Variants in SH3KBP1 observed in about 807,000 individuals in gnomAD.
The protein encoded by SH3KBP1 is SH3 domain containing kinase binding protein 1.
In SH3KBP1, 8 loss-of-function variants were observed where a neutral mutation model predicts 50.1. That is an observed-to-expected ratio of 0.16 (90% confidence interval 0.09 to 0.29). The LOEUF (loss-of-function observed/expected upper bound fraction) is 0.29, where lower values mean the gene tolerates loss of function less well. Ranked by LOEUF, SH3KBP1 falls within the 10% of genes least tolerant of loss-of-function variation. The pLI is 1.00. For synonymous variants in SH3KBP1, 227 were observed against 218.6 expected, an observed-to-expected ratio of 1.04 and a Z score of -0.34; for missense variants, 377 against 535.2, an observed-to-expected ratio of 0.70 and a Z score of 2.92.
At chrX:19,693,774 G>A (rs1203487313) in intron 5 of SH3KBP1, among the ~76,000 whole-genome samples, 1 of 111,936 alleles carries the variant, frequency 8.9e-6, no homozygotes, top group Non-Finnish European at 1.9e-5. Context: ...GACTTGGAAT[G>A]AGAGAAGTCA....
chrX:19,581,680 T>C (rs1225030791), intron 12 of SH3KBP1, among the ~76,000 whole-genome samples: 2 of 110,435 alleles, frequency 1.8e-5, no homozygotes, highest in East Asian at 2.8e-4. Flanking sequence ...TTAACTTCCA[T>C]GCTCTTAAGT....
Position 19,713,239 on chromosome X carries a change from A to G in SH3KBP1, c.287-6255T>C, listed in dbSNP as rs192295326. Among the ~76,000 whole-genome samples, 538 of 110,062 alleles carry G rather than the reference A, an allele frequency of 4.9e-3. 1 individual carries two copies. The highest frequency in any genetic ancestry group is 8.0e-3 in the Non-Finnish European group (420 of 52,675). ...CTCAAAAAAAACAAAACAAACAAAC[A>G]AAAAACTCATCTGATTTTTTTCTTA... On this transcript the variant is annotated intron_variant, in intron 3 of 17. Transcript: ENST00000397821.
chrX:19,584,730 CT>C (rs2066506747), intron 12 of SH3KBP1, among the ~76,000 whole-genome samples: 1 of 111,596 alleles, frequency 9.0e-6, no homozygotes, highest in Non-Finnish European at 1.9e-5. Flanking sequence ...ATGTTAGCTC[CT>C]GTTTAAAGAG....
rs34368819 is a variant in SH3KBP1 at position 19,764,986 on chromosome X, C to CTTTTT, written c.163-18550_163-18546dup. Among the ~76,000 whole-genome samples the CTTTTT allele has an allele frequency of 3.8e-4, 17 of 44,551 alleles. 2 individuals are homozygous for CTTTTT. Among genetic ancestry groups the CTTTTT allele is most frequent in the African/African-American group, 1.3e-3 (14 of 10,501 alleles). The allele number at this position is 44,551 out of a possible 115,157, so 38.7% of individuals were successfully genotyped here. ...CCATGCCCAGCTAATTTTTGCAGTTCTTTTTTTTTTTTTTTTTTTTTTTTT... is the reference window on the plus strand; with the variant it reads ...CCATGCCCAGCTAATTTTTGCAGTTCTTTTTTTTTTTTTTTTTTTTTTTTTTTTTT... On this transcript the variant is annotated intron_variant, in intron 2 of 17. Transcript: ENST00000397821.
chrX:19,567,092 C>T (rs759063703), intron 13 of SH3KBP1, among the ~76,000 whole-genome samples: 41 of 109,787 alleles, frequency 3.7e-4, no homozygotes, highest in Middle Eastern at 4.6e-3. Context: ...CCTGATAGTG[C>T]TTGCCAGAGG....
At chrX:19,609,914 C>T (rs772186201) in intron 8 of SH3KBP1, among the ~76,000 whole-genome samples, 27 of 111,906 alleles carry the variant, frequency 2.4e-4, no homozygotes, top group Non-Finnish European at 4.9e-4. Flanking sequence ...TGCCTAAACT[C>T]GTGGGAATTC....
In SH3KBP1 at chrX:19,814,105, T is replaced by C. The variant is rs184909780; in HGVS notation, c.162+22020A>G. On this transcript the variant is annotated intron_variant, in intron 2 of 17. Coordinates refer to ENST00000397821, the MANE Select transcript of SH3KBP1 (RefSeq NM_031892.3). ...CTCCAGACCCACATCCCTACCATGCTTCCCAATGCACAGGACAAAAACCTT... is the reference window on the plus strand; with the variant it reads ...CTCCAGACCCACATCCCTACCATGCCTCCCAATGCACAGGACAAAAACCTT... 1.5e-3 allele frequency among the ~76,000 whole-genome samples: 160 copies of C among 110,065 alleles called. 1 individual carries two copies. The highest frequency in any genetic ancestry group is 5.1e-3 in the African/African-American group (153 of 30,198).
At chrX:19,875,795 T>G (rs2069233035) in intron 1 of SH3KBP1, among the ~76,000 whole-genome samples, 1 of 112,279 alleles carries the variant, frequency 8.9e-6, no homozygotes, top group Non-Finnish European at 1.9e-5. Context: ...ATGTGCCCCA[T>G]GAACAAGTCA....
chrX:19,691,290 C>A (rs1025738018), intron 5 of SH3KBP1, among the ~76,000 whole-genome samples: 1 of 104,397 alleles, frequency 9.6e-6, no homozygotes. Flanking sequence ...GGTTTACTCT[C>A]GCACGCACGC....
At chrX:19,680,190 C>T (rs546834197) in intron 6 of SH3KBP1, among the ~76,000 whole-genome samples, 14 of 109,584 alleles carry the variant, frequency 1.3e-4, no homozygotes, top group Non-Finnish European at 3.8e-5. Context: ...GCCTGGTCAA[C>T]GTGGTGAAAC....
intron 4 of SH3KBP1, among the ~76,000 whole-genome samples, chrX:19,702,222 C>T (rs2063549985): frequency 8.9e-6 from 1 of 112,099 alleles, no homozygotes; most frequent in Non-Finnish European, 1.9e-5. Context: ...CACCTATTAA[C>T]TGATCAGCCT....
chrX:19,723,807 A>G (rs929116843), intron 3 of SH3KBP1, among the ~76,000 whole-genome samples: 1 of 111,625 alleles, frequency 9.0e-6, no homozygotes, highest in African/African-American at 3.3e-5. Context: ...ACCCAATAGC[A>G]CAAAAGCTGC....
At chrX:19,569,036 G>T in intron 13 of SH3KBP1, 67 bp downstream of exon 13, 1 of 980,434 alleles carries the variant, frequency 1.0e-6, no homozygotes, top group Non-Finnish European at 1.5e-6. Context: ...GCTGGTTGAA[G>T]GCAAGCCAGG....
At chrX:19,699,458 C>T (rs73459699) in intron 4 of SH3KBP1, among the ~76,000 whole-genome samples, 5,335 of 111,809 alleles carry the variant, frequency 0.048, 320 homozygotes, top group African/African-American at 0.16. Context: ...TGTCCCTCTA[C>T]GACCAACCCA....
intron 2 of SH3KBP1, among the ~76,000 whole-genome samples, chrX:19,772,771 C>T (rs1325141230): frequency 9.0e-6 from 1 of 111,220 alleles, no homozygotes; most frequent in Non-Finnish European, 1.9e-5. Context: ...GGATGTAAAC[C>T]ACAAATTAAA....
At chrX:19,657,943 T>C (rs2062334127) in intron 6 of SH3KBP1, among the ~76,000 whole-genome samples, 1 of 109,597 alleles carries the variant, frequency 9.1e-6, no homozygotes, top group Non-Finnish European at 1.9e-5. Context: ...TCAATGGGTA[T>C]AGAGTTTCAA....
intron 6 of SH3KBP1, among the ~76,000 whole-genome samples, chrX:19,679,698 C>G (rs1022741026): frequency 9.0e-6 from 1 of 111,528 alleles, no homozygotes; most frequent in African/African-American, 3.3e-5. Context: ...ATACACCATC[C>G]AGTTTCAACA....
At chrX:19,739,615 G>A (rs775207380) in intron 3 of SH3KBP1, among the ~76,000 whole-genome samples, 2 of 108,707 alleles carry the variant, frequency 1.8e-5, no homozygotes, top group South Asian at 8.2e-4. Flanking sequence ...GTCCATAGGG[G>A]TATCACAGAT....
intron 1 of SH3KBP1, among the ~76,000 whole-genome samples, chrX:19,872,252 C>CAAAAAAAAAAAAAAAAAAAA (rs67033348): frequency 5.3e-5 from 2 of 37,965 alleles, no homozygotes; most frequent in Non-Finnish European, 9.2e-5. Context: ...AACTTCATCT[C>CAAAAAAAAAAAAAAAAAAAA]AAAAAAAAAA....
Sources: allele counts gnomAD v4.1 joint callset (sites outside exome capture counted in the v4.1 genomes callset), GRCh38; gene constraint gnomAD v4.1.1; transcripts MANE v1.5; gene names NCBI Gene and HGNC (gene_info 2026-07-23, HGNC 2026-07-21).